ENPP2: variants seen among roughly 807,000 people sequenced by gnomAD.
The protein encoded by ENPP2 is ectonucleotide pyrophosphatase/phosphodiesterase 2.
Under a neutral mutation model 120.2 loss-of-function variants are expected in ENPP2, and 51 were observed. The observed-to-expected ratio is 0.42, with a 90% CI of 0.34 to 0.54. The LOEUF (loss-of-function observed/expected upper bound fraction) is 0.54, where lower values mean the gene tolerates loss of function less well. Among genes scored for constraint, ENPP2 ranks in the 20% least tolerant of loss-of-function variants. The probability of loss-of-function intolerance (pLI) is 0.04; values close to 1 mark genes in which losing one functional copy is unlikely to be tolerated. For missense variants in ENPP2, 920 were observed against 1,066.5 expected (o/e 0.86, Z 1.91); for synonymous variants, 365 against 366.4 (o/e 1.00, Z 0.04).
chr8:119,615,522 T>A (rs1011621733), intron 8 of ENPP2, among the ~76,000 whole-genome samples: 7 of 152,196 alleles, frequency 4.6e-5, no homozygotes, highest in Admixed American at 6.5e-5. Flanking sequence ...TACAACCCTT[T>A]TTATTTTCTG....
At chr8:119,667,184 C>T (rs1426931091) in intron 1 of ENPP2, among the ~76,000 whole-genome samples, 2 of 152,144 alleles carry the variant, frequency 1.3e-5, no homozygotes, top group Non-Finnish European at 2.9e-5. Flanking sequence ...CCTTAAATAC[C>T]AAGCTCAGAT....
At chr8:119,610,856 T>G (rs939586064) in intron 8 of ENPP2, among the ~76,000 whole-genome samples, 3 of 150,016 alleles carry the variant, frequency 2.0e-5, no homozygotes, top group African/African-American at 7.5e-5. Flanking sequence ...TGAGCTGAGA[T>G]TGCACCACTG....
At position 119,570,783 on chromosome 8, in the gene ENPP2, T is replaced by A. The variant is rs1016611847; in HGVS notation, c.1839A>T (p.Leu613Phe). Residue 613 changes from leucine to phenylalanine, a missense_variant, in exon 20 of 25, where the codon TTA (leucine) becomes TTT (phenylalanine). Coordinates refer to ENST00000075322, the MANE Select transcript of ENPP2 (RefSeq NM_001040092.3). The stretch of plus-strand genomic sequence containing the variant: ...AACCACTTTCAAAGTCAGTGTGATA[T>A]AAGATATCATATCTAGTCCGATAAA... ...AVLYRTRYDI[L>F]YHTDFESGYS... is the part of the protein sequence containing the mutation. The A allele has an allele frequency of 1.9e-6, 3 of 1,593,460 alleles. No homozygotes were observed. In the Admixed American group the frequency reaches 5.2e-5, roughly 28 times the overall value.
chr8:119,596,656 A>T (rs1192054845), intron 11 of ENPP2, among the ~76,000 whole-genome samples: 1 of 152,220 alleles, frequency 6.6e-6, no homozygotes. Flanking sequence ...ACTGACAATT[A>T]AGGTTTTCAG....
At chr8:119,633,459 T>G (rs1348144355) in intron 2 of ENPP2, among the ~76,000 whole-genome samples, 1 of 151,110 alleles carries the variant, frequency 6.6e-6, no homozygotes, top group Non-Finnish European at 1.5e-5. Flanking sequence ...CAGCTCCTTT[T>G]CTCAAGAGCG....
chr8:119,621,499 T>C lies in ENPP2; in HGVS notation c.313A>G (p.Lys105Glu), dbSNP rs1364872868. The change falls in exon 4 of 25, where the codon AAG becomes GAG. Residue 105 changes from lysine (K) to glutamate (E), a missense_variant. Physicochemically the swap from Lys to Glu is moderately conservative, Grantham distance 56 (BLOSUM62 1). Coordinates refer to ENST00000075322, the MANE Select transcript of ENPP2 (RefSeq NM_001040092.3). ...TTTCTGACTTCTCCACATCTGTCCT[T>C]AGTACACTCCCAGCCACGGGCTAAA... is the stretch of plus-strand genomic sequence containing the variant. ...LKTARGWECT[K>E]DRCGEVRNEE... 2.5e-6 allele frequency: 4 copies of C among 1,613,390 alleles called. No individual in the cohort carries two copies. Among genetic ancestry groups the C allele is most frequent in the Non-Finnish European group, 3.4e-6 (4 of 1,179,566 alleles).
chr8:119,563,041 C>A (rs776848914), intron 23 of ENPP2, 28 bp from the exon 24 acceptor site: 1 of 1,605,358 alleles, frequency 6.2e-7, no homozygotes, highest in Non-Finnish European at 8.5e-7. Context: ...AACGAAGTCA[C>A]AGTTGATGAG....
intron 22 of ENPP2, among the ~76,000 whole-genome samples, chr8:119,566,437 C>A (rs1485483561): frequency 1.3e-5 from 2 of 152,188 alleles, no homozygotes; most frequent in Admixed American, 6.5e-5. Flanking sequence ...CCTTCTGAAA[C>A]TCTGAATGGC....
At chr8:119,644,625 T>TATATATATATACAC (rs1327738777) in intron 1 of ENPP2, among the ~76,000 whole-genome samples, 6 of 74,308 alleles carry the variant, frequency 8.1e-5, no homozygotes, top group African/African-American at 1.5e-4. Context: ...TATATATATA[T>TATATATATATACAC]ACACACACAC....
rs1815021617 is a variant in ENPP2, at chr8:119,571,907, C to T, written c.1781-1066G>A. ...TCGTAGAATACTTTGCAAGACCCTC[C>T]CAGATAGAACTGCGGATTTGAGACA... is the stretch of plus-strand genomic sequence containing the variant. On this transcript the variant is annotated intron_variant, in intron 19 of 24. Transcript: ENST00000075322. The T allele has an allele frequency of 9.4e-6, 3 of 318,296 alleles. No homozygotes were observed. In the South Asian group the frequency reaches 2.5e-4, roughly 26 times the overall value. The allele number at this position is 318,296 out of a possible 1,614,324, so 19.7% of individuals were successfully genotyped here.
upstream of ENPP2, among the ~76,000 whole-genome samples, chr8:119,642,871 A>G (rs1229711058): frequency 1.3e-5 from 2 of 152,172 alleles, no homozygotes; most frequent in African/African-American, 2.4e-5. Context: ...GCTTGAGGTT[A>G]ACAGTGAGAT....
intron 19 of ENPP2, 48 bp downstream of exon 19, chr8:119,580,068 T>A: frequency 7.3e-7 from 1 of 1,376,716 alleles, no homozygotes; most frequent in Non-Finnish European, 1.0e-6. Context: ...TTTTCGATTT[T>A]CGAAAACGAG....
intron 1 of ENPP2, among the ~76,000 whole-genome samples, chr8:119,649,443 T>C (rs1483908815): frequency 6.6e-6 from 1 of 151,362 alleles, no homozygotes; most frequent in Non-Finnish European, 1.5e-5. Flanking sequence ...AAATTGCATT[T>C]ATAATAGTCA....
At chr8:119,666,614 C>T (rs886707714) in intron 1 of ENPP2, among the ~76,000 whole-genome samples, 13 of 151,974 alleles carry the variant, frequency 8.6e-5, no homozygotes, top group Admixed American at 8.5e-4. Context: ...AAACCCATCT[C>T]TACTAAAAAT....
rs149439842 is a variant in ENPP2, at chr8:119,612,875, ACTAAGATGTTGT to A, written c.777+3378_777+3389del. On this transcript the variant is annotated intron_variant, in intron 8 of 24. Transcript: ENST00000075322. ...ACTGCACTCCAGCCTGGGCGACTAT[ACTAAGATGTTGT>A]CTCATTAAATATAATAATAAATTTT... 8.6e-3 allele frequency among the ~76,000 whole-genome samples: 1,307 copies of A among 152,270 alleles called. 24 individuals are homozygous for A. Among genetic ancestry groups the A allele is most frequent in the African/African-American group, 0.03 (1,261 of 41,542 alleles).
At chr8:119,606,050 TA>T (rs1157210842) in intron 9 of ENPP2, among the ~76,000 whole-genome samples, 1 of 152,208 alleles carries the variant, frequency 6.6e-6, no homozygotes, top group Non-Finnish European at 1.5e-5. Flanking sequence ...AGTCTAAGTC[TA>T]TGGTTTGAAT....
At position 119,582,430 on chromosome 8, in the gene ENPP2, C is replaced by T; in HGVS notation, c.1716G>A (p.Lys572=). ...DFDLGCTCDD[K]VEPKNKLDEL... Reference sequence around the variant, plus strand: ...AGATTATTTCTACCTTTGGCTCTACCTTATCATCACAAGTGCAGCCCAGGT... The same window carrying T: ...AGATTATTTCTACCTTTGGCTCTACTTTATCATCACAAGTGCAGCCCAGGT... The change falls in exon 18 of 25, where the codon AAG becomes AAA. Residue 572 remains lysine (K), a synonymous_variant. Transcript: ENST00000075322. 1.2e-6 allele frequency: 2 copies of T among 1,613,550 alleles called. No individual in the cohort carries two copies. The highest frequency in any genetic ancestry group is 2.2e-5 in the South Asian group (2 of 90,940).
At chr8:119,632,064 T>C (rs1251090933) in intron 2 of ENPP2, among the ~76,000 whole-genome samples, 2 of 152,222 alleles carry the variant, frequency 1.3e-5, no homozygotes, top group Non-Finnish European at 2.9e-5. Context: ...AGGACTTCTC[T>C]CTTTATTGTA....
rs1815346701 is a variant in ENPP2, at chr8:119,614,766, G to A, written c.777+1499C>T. On this transcript the variant is annotated intron_variant, in intron 8 of 24. Coordinates refer to ENST00000075322, the MANE Select transcript of ENPP2 (RefSeq NM_001040092.3). ...AAAGACCCACTAGTGAAAGCTTAAT[G>A]GAGCTCTAATTTCAATCATTTTGTG... Among the ~76,000 whole-genome samples, 7 of 152,100 alleles carry A rather than the reference G, an allele frequency of 4.6e-5. No individual in the cohort carries two copies. The South Asian group carries it at 1.2e-3, about 27-fold the overall frequency.
Sources: allele counts gnomAD v4.1 joint callset (sites outside exome capture counted in the v4.1 genomes callset), GRCh38; gene constraint gnomAD v4.1.1; transcripts MANE v1.5; gene names NCBI Gene and HGNC (gene_info 2026-07-23, HGNC 2026-07-21).